Variants in SCYL2 observed in about 807,000 individuals in gnomAD.
SCYL2 encodes SCY1-like protein 2.
In SCYL2, 36 loss-of-function variants were observed where a neutral mutation model predicts 100.4. The ratio of observed to expected loss-of-function variants is 0.36; its 90% confidence interval spans 0.27 to 0.47. The LOEUF (loss-of-function observed/expected upper bound fraction) is 0.47. Ranked by LOEUF, SCYL2 falls within the 20% of genes least tolerant of loss-of-function variation. SCYL2 has a pLI of 1.00. For missense variants in SCYL2, 902 were observed against 1,083.9 expected (o/e 0.83, Z 2.36); for synonymous variants, 330 against 359.2 (o/e 0.92, Z 0.92).
At chr12:100,335,460 T>G (rs947815438) in intron 14 of SCYL2, 165 bp from the exon 15 acceptor site, 7 of 541,134 alleles carry the variant, frequency 1.3e-5, no homozygotes, top group African/African-American at 7.8e-5. Flanking sequence ...ATGTTATTTT[T>G]GGGGCAAGCA....
At position 100,315,558 on chromosome 12, in the gene SCYL2, C is replaced by A. The variant is rs1356451853; in HGVS notation, c.1096C>A (p.Arg366Ser). Residue 366 changes from arginine (R) to serine (S), a missense_variant and splice_region_variant, in exon 9 of 18, where the codon CGT (arginine) becomes AGT (serine). Arg to Ser is a moderately radical substitution (Grantham distance 110). Coordinates refer to ENST00000360820, the MANE Select transcript of SCYL2 (RefSeq NM_017988.6). ...TTTAAAAAACATTTTTGCCTTTCAG[C>A]GTGTCATTGTGCAGAGAATTTTGCC... ...LPKVLPKLPK[R>S]VIVQRILPCL... The A allele has an allele frequency of 1.9e-6, 3 of 1,569,696 alleles. No homozygotes were observed. Among genetic ancestry groups the A allele is most frequent in the Non-Finnish European group, 1.7e-6 (2 of 1,161,882 alleles).
At position 100,339,096 on chromosome 12, in the gene SCYL2, A is replaced by G; in HGVS notation, c.2714A>G (p.Gln905Arg). The change falls in exon 18 of 18, where the codon CAG becomes CGG. Residue 905 changes from glutamine (Q) to arginine (R), a missense_variant. Coordinates refer to ENST00000360820, the MANE Select transcript of SCYL2 (RefSeq NM_017988.6). ...GMQGNPFFNP[Q>R]NFAQPPTTMT... ...CAGGGTAATCCTTTCTTTAACCCACAGAACTTTGCACAGCCACCAACTACT... is the reference window on the plus strand; with the variant it reads ...CAGGGTAATCCTTTCTTTAACCCACGGAACTTTGCACAGCCACCAACTACT... 1 of 1,614,114 alleles carries G rather than the reference A, an allele frequency of 6.2e-7. No individual in the cohort carries two copies. Among genetic ancestry groups the G allele is most frequent in the Non-Finnish European group, 8.5e-7 (1 of 1,179,964 alleles).
chr12:100,298,317 G>A, intron 4 of SCYL2, 142 bp downstream of exon 4: 5 of 576,158 alleles, frequency 8.7e-6, no homozygotes, highest in Non-Finnish European at 5.7e-6. Flanking sequence ...CCTATGTTCT[G>A]GAAATTTTTT....
chr12:100,304,978 A>G (rs1285055844), intron 4 of SCYL2, among the ~76,000 whole-genome samples: 1 of 152,178 alleles, frequency 6.6e-6, no homozygotes, highest in Non-Finnish European at 1.5e-5. Context: ...TATGCATCCA[A>G]TACAGGAGCA....
intron 11 of SCYL2, among the ~76,000 whole-genome samples, chr12:100,324,136 T>A (rs973559393): frequency 6.6e-6 from 1 of 152,140 alleles, no homozygotes; most frequent in African/African-American, 2.4e-5. Context: ...TGCTAAAAAA[T>A]GTAGACCAAG....
At chr12:100,276,365 C>CT (rs1299292389) in intron 1 of SCYL2, among the ~76,000 whole-genome samples, 1 of 152,118 alleles carries the variant, frequency 6.6e-6, no homozygotes, top group East Asian at 1.9e-4. Flanking sequence ...GGATCCCACT[C>CT]TTTGTCACGC....
intron 9 of SCYL2, 77 bp downstream of exon 9, chr12:100,315,811 A>G (rs1472374925): frequency 4.9e-6 from 6 of 1,216,070 alleles, no homozygotes; most frequent in Non-Finnish European, 6.6e-6. Flanking sequence ...AAAGGAATGA[A>G]TATATGACTT....
At chr12:100,307,795 C>T (rs1436438473) in intron 4 of SCYL2, among the ~76,000 whole-genome samples, 1 of 151,990 alleles carries the variant, frequency 6.6e-6, no homozygotes, top group Non-Finnish European at 1.5e-5. Flanking sequence ...AACAAATTTA[C>T]AAGAAAAAAC....
chr12:100,283,545 G>A (rs757206058), intron 2 of SCYL2, among the ~76,000 whole-genome samples: 4 of 152,052 alleles, frequency 2.6e-5, no homozygotes, highest in African/African-American at 4.8e-5. Flanking sequence ...ATTTTTCAAC[G>A]TTAAGTGCGT....
chr12:100,295,259 G>C (rs918368421), intron 3 of SCYL2, among the ~76,000 whole-genome samples: 1 of 151,190 alleles, frequency 6.6e-6, no homozygotes, highest in Non-Finnish European at 1.5e-5. Context: ...GACGATGGGC[G>C]GCCAGGCAGA....
intron 1 of SCYL2, among the ~76,000 whole-genome samples, chr12:100,270,522 C>G (rs888547728): frequency 1.3e-5 from 2 of 151,892 alleles, no homozygotes; most frequent in Non-Finnish European, 2.9e-5. Flanking sequence ...CTGGAAGTAG[C>G]TTCAAAAAAC....
intron 1 of SCYL2, among the ~76,000 whole-genome samples, chr12:100,278,707 G>A (rs559530199): frequency 1.1e-4 from 16 of 145,464 alleles, no homozygotes; most frequent in South Asian, 4.3e-4. Flanking sequence ...TCGGCTTACT[G>A]CAACCTTCAC....
intron 11 of SCYL2, among the ~76,000 whole-genome samples, chr12:100,324,397 A>G (rs150499941): frequency 0.01 from 1,570 of 152,274 alleles, 24 homozygotes; most frequent in African/African-American, 0.036. Flanking sequence ...AGTTCTTGAT[A>G]TTGATTTTTG....
Position 100,338,940 on chromosome 12 carries a change from T to A in SCYL2, c.2558T>A (p.Met853Lys). ...GGCCCTCAGAAACCCAAAGTTAGCA[T>A]GAACCAGTTATCACAACAGAAACCA... ...LFGPQKPKVS[M>K]NQLSQQKPNQ... The change falls in exon 18 of 18, where the codon ATG (methionine) becomes AAG (lysine). Residue 853 changes from methionine to lysine, a missense_variant. Physicochemically the swap from Met to Lys is moderately conservative, Grantham distance 95 (BLOSUM62 -1). Coordinates refer to ENST00000360820, the MANE Select transcript of SCYL2 (RefSeq NM_017988.6). 1 of 1,614,176 alleles carries A rather than the reference T, an allele frequency of 6.2e-7. No homozygotes were observed.
Position 100,314,578 on chromosome 12 carries a change from C to T in SCYL2, c.1059C>T (p.Phe353=), listed in dbSNP as rs2096346201. Residue 353 remains phenylalanine (F), a synonymous_variant, in exon 8 of 18, where the codon TTC becomes TTT. Coordinates refer to ENST00000360820, the MANE Select transcript of SCYL2 (RefSeq NM_017988.6). ...ATAATCTTCAGAAATCACAGTTTTT[C>T]AAAGGACTGCCAAAGGTTCTACCAA... is the stretch of plus-strand genomic sequence containing the variant. ...QRDNLQKSQF[F]KGLPKVLPKL... The T allele has an allele frequency of 1.2e-6, 2 of 1,601,470 alleles. No homozygotes were observed. The highest frequency in any genetic ancestry group is 1.7e-6 in the Non-Finnish European group (2 of 1,176,232).
At chr12:100,322,399 CT>C (rs2096357187) in intron 10 of SCYL2, among the ~76,000 whole-genome samples, 2 of 138,508 alleles carry the variant, frequency 1.4e-5, no homozygotes, top group Middle Eastern at 3.9e-3. Flanking sequence ...AAAAAGAAAA[CT>C]AAAAAAAAAA....
At chr12:100,283,278 A>G (rs1404784906) in intron 2 of SCYL2, 131 bp downstream of exon 2, 2 of 673,262 alleles carry the variant, frequency 3.0e-6, no homozygotes, top group Non-Finnish European at 4.9e-6. Flanking sequence ...TTTAGTTCTC[A>G]TTTTATCTTA....
chr12:100,287,990 A>G (rs943841417), intron 2 of SCYL2, among the ~76,000 whole-genome samples: 1 of 152,220 alleles, frequency 6.6e-6, no homozygotes, highest in Non-Finnish European at 1.5e-5. Flanking sequence ...TGTAATATAT[A>G]TAAGGTGACT....
At chr12:100,278,946 T>C (rs1457468980) in intron 1 of SCYL2, among the ~76,000 whole-genome samples, 3 of 152,142 alleles carry the variant, frequency 2.0e-5, no homozygotes, top group East Asian at 1.9e-4. Context: ...GAAATTCTTA[T>C]CTTTGTTCTT....
Sources: allele counts gnomAD v4.1 joint callset (sites outside exome capture counted in the v4.1 genomes callset), GRCh38; gene constraint gnomAD v4.1.1; transcripts MANE v1.5; gene names NCBI Gene and HGNC (gene_info 2026-07-23, HGNC 2026-07-21).